SPARC: variants seen among roughly 807,000 people sequenced by gnomAD.
The protein encoded by SPARC is secreted protein acidic and cysteine rich.
Under a neutral mutation model 37.7 loss-of-function variants are expected in SPARC, and 23 were observed. The ratio of observed to expected loss-of-function variants is 0.61; its 90% confidence interval spans 0.44 to 0.87. SPARC has a LOEUF of 0.87. Ranked by LOEUF, SPARC falls within the 40% of genes least tolerant of loss-of-function variation. The pLI, the probability that SPARC is intolerant of heterozygous loss-of-function variation, is 0.00. For missense variants in SPARC, 312 were observed against 389.0 expected, an observed-to-expected ratio of 0.80 and a Z score of 1.66; for synonymous variants, 155 against 150.8, an observed-to-expected ratio of 1.03 and a Z score of -0.20.
At chr5:151,668,811 C>G (rs1011643979) in intron 6 of SPARC, among the ~76,000 whole-genome samples, 3 of 152,170 alleles carry the variant, frequency 2.0e-5, no homozygotes, top group African/African-American at 7.2e-5. Context: ...TCCTTTTCTA[C>G]TCTGTACCTT....
intron 8 of SPARC, among the ~76,000 whole-genome samples, chr5:151,665,265 T>A (rs1393048320): frequency 6.6e-6 from 1 of 152,202 alleles, no homozygotes; most frequent in Non-Finnish European, 1.5e-5. Context: ...AGGCCCTCTG[T>A]TGCAGTGGGA....
At position 151,666,578 on chromosome 5, in the gene SPARC, C is replaced by A. The variant is rs372804607; in HGVS notation, c.586-69G>T. 1.3e-5 allele frequency: 19 copies of A among 1,489,026 alleles called. No homozygotes were observed. In the African/African-American group the frequency reaches 2.2e-4, roughly 17 times the overall value. The allele number at this position is 1,489,026 out of a possible 1,614,324, so 92.2% of individuals were successfully genotyped here. On this transcript the variant is annotated intron_variant, in intron 7 of 9. Coordinates refer to ENST00000231061, the MANE Select transcript of SPARC (RefSeq NM_003118.4). Reference sequence around the variant, plus strand: ...TGTCTGGACCAGTCGGGCCCTCCCACCCCTCCCAGAAGGCCAGAGCAGGCA... The same window carrying A: ...TGTCTGGACCAGTCGGGCCCTCCCAACCCTCCCAGAAGGCCAGAGCAGGCA...
chr5:151,666,381 C>T lies in SPARC; in HGVS notation c.714G>A (p.Leu238=). Residue 238 remains leucine (L), a synonymous_variant, in exon 8 of 10, where the codon CTG becomes CTA. Coordinates refer to ENST00000231061, the MANE Select transcript of SPARC (RefSeq NM_003118.4). ...IFPVHWQFGQ[L]DQHPIDGYLS... Reference sequence around the variant, plus strand: ...CTTACCCGTCAATGGGGTGCTGGTCCAGCTGGCCGAACTGCCAGTGTACAG... The same window carrying T: ...CTTACCCGTCAATGGGGTGCTGGTCTAGCTGGCCGAACTGCCAGTGTACAG... 6.2e-7 allele frequency: 1 copy of T among 1,614,024 alleles called. No individual in the cohort carries two copies. Among genetic ancestry groups the T allele is most frequent in the Non-Finnish European group, 8.5e-7 (1 of 1,179,926 alleles).
intron 8 of SPARC, among the ~76,000 whole-genome samples, 156 bp downstream of exon 8, chr5:151,666,205 A>T (rs1760615202): frequency 6.6e-6 from 1 of 152,174 alleles, no homozygotes; most frequent in Admixed American, 6.5e-5. Flanking sequence ...CCAGGTCCAC[A>T]TCTTTTCTCC....
At chr5:151,685,751 AG>A (rs756413394) in intron 1 of SPARC, 1 of 152,228 alleles carries the variant, frequency 6.6e-6, no homozygotes, top group Non-Finnish European at 1.5e-5. Context: ...GCATTACTAG[AG>A]AAAACATTTT....
chr5:151,674,240 T>C (rs4958280), intron 3 of SPARC, among the ~76,000 whole-genome samples: 26,448 of 152,042 alleles, frequency 0.17, 2,677 homozygotes, highest in East Asian at 0.38. Flanking sequence ...CTTGAACTCC[T>C]GACCTCGTGA....
In SPARC at chr5:151,671,714, G is replaced by A. The variant is rs1357902365; in HGVS notation, c.209-20C>T. 1 of 1,613,294 alleles carries A rather than the reference G, an allele frequency of 6.2e-7. No homozygotes were observed. Among genetic ancestry groups the A allele is most frequent in the African/African-American group, 1.3e-5 (1 of 74,878 alleles). ...AGGGATCTGTAGGGCAGAAAGACAA[G>A]GGAGTTAGCATCACCTGGACTAGCA... On this transcript the variant is annotated intron_variant, in intron 4 of 9. Coordinates refer to ENST00000231061, the MANE Select transcript of SPARC (RefSeq NM_003118.4).
chr5:151,661,761 C>A lies in SPARC; in HGVS notation c.*1810G>T, dbSNP rs1200618320. ...TTCAATAGGGTAACCACTAATCATG[C>A]ATGGCTCTCAAGCACTTGAAATGTT... On this transcript the variant is annotated 3_prime_UTR_variant, in exon 10 of 10. Coordinates refer to ENST00000231061, the MANE Select transcript of SPARC (RefSeq NM_003118.4). The A allele has an allele frequency of 2.0e-5, 3 of 152,322 alleles. No homozygotes were observed. Among genetic ancestry groups the A allele is most frequent in the Admixed American group, 1.3e-4 (2 of 15,302 alleles). The allele number at this position is 152,322 out of a possible 1,614,324, so 9.4% of individuals were successfully genotyped here.
At chr5:151,685,222 C>G (rs58154748) in intron 1 of SPARC, 1 of 152,142 alleles carries the variant, frequency 6.6e-6, no homozygotes, top group African/African-American at 2.4e-5. Context: ...GATGTGGCAG[C>G]TGATAGCTGA....
At chr5:151,672,848 T>C in intron 4 of SPARC, 2 of 430,632 alleles carry the variant, frequency 4.6e-6, no homozygotes, top group South Asian at 2.8e-5. Context: ...AGCTTTGGAC[T>C]CAGGGCAAAG....
rs1760625228 is a variant in SPARC at position 151,666,519 on chromosome 5, T to C, written c.586-10A>G. The stretch of plus-strand genomic sequence containing the variant: ...CATGGATCTTCTTCACCTGAGGGAG[T>C]AGAGACTGTGTGTGACAAGAGGTCC... On this transcript the variant is annotated splice_polypyrimidine_tract_variant and intron_variant, in intron 7 of 9. Transcript: ENST00000231061. The C allele has an allele frequency of 1.2e-6, 2 of 1,612,516 alleles. No homozygotes were observed. The highest frequency in any genetic ancestry group is 1.7e-6 in the Non-Finnish European group (2 of 1,179,266).
intron 1 of SPARC, among the ~76,000 whole-genome samples, chr5:151,681,081 A>G (rs974082435): frequency 4.6e-5 from 7 of 152,190 alleles, no homozygotes; most frequent in Admixed American, 1.3e-4. Flanking sequence ...CACTCTCACT[A>G]TTTGGCTTGG....
intron 5 of SPARC, among the ~76,000 whole-genome samples, chr5:151,670,926 T>G (rs1760734451): frequency 6.6e-6 from 1 of 152,108 alleles, no homozygotes; most frequent in Admixed American, 6.6e-5. Flanking sequence ...GCTGTAGGAA[T>G]AGTGCTGGCC....
intron 9 of SPARC, 37 bp downstream of exon 9, chr5:151,664,050 C>T (rs1320682399): frequency 6.2e-6 from 10 of 1,613,418 alleles, no homozygotes; most frequent in Admixed American, 1.7e-5. Flanking sequence ...AGCAGTGTTT[C>T]TGCCCATGCC....
chr5:151,667,321 G>A, intron 7 of SPARC, 146 bp downstream of exon 7: 1 of 850,740 alleles, frequency 1.2e-6, no homozygotes, highest in South Asian at 1.6e-5. Flanking sequence ...AGCCTCCAAA[G>A]GCAGGAAGAG....
intron 8 of SPARC, among the ~76,000 whole-genome samples, chr5:151,664,784 C>T (rs142473754): frequency 5.3e-5 from 8 of 152,282 alleles, no homozygotes; most frequent in Non-Finnish European, 1.0e-4. Context: ...TGAGGGTCAA[C>T]GGGAGCTCTA....
chr5:151,662,513 A>C lies in SPARC; in HGVS notation c.*1058T>G, dbSNP rs1760528427. ...ATCATGGTGAGAGTTTGTATGATTA[A>C]TAAGAAGCAGCTTTTTCATGAAATG... On this transcript the variant is annotated 3_prime_UTR_variant, in exon 10 of 10. Coordinates refer to ENST00000231061, the MANE Select transcript of SPARC (RefSeq NM_003118.4). 1 of 152,664 alleles carries C rather than the reference A, an allele frequency of 6.6e-6. No individual in the cohort carries two copies. Among genetic ancestry groups the C allele is most frequent in the African/African-American group, 2.4e-5 (1 of 41,452 alleles). 9.5% of individuals were successfully genotyped at this position (152,664 alleles called of 1,614,324 possible). A position where few individuals can be genotyped will look rare whatever the true frequency, so the allele number is the denominator to read the frequency against.
intron 1 of SPARC, among the ~76,000 whole-genome samples, chr5:151,683,859 T>A (rs1452791396): frequency 6.6e-6 from 1 of 152,218 alleles, no homozygotes; most frequent in African/African-American, 2.4e-5. Flanking sequence ...AATGAGGCAC[T>A]TATTTTTAGC....
At chr5:151,686,832 A>G (rs988192544) in intron 1 of SPARC, 33 bp downstream of exon 1, 1 of 152,296 alleles carries the variant, frequency 6.6e-6, no homozygotes, top group Non-Finnish European at 1.5e-5. Flanking sequence ...GTGCAACTAT[A>G]GAAGGGAAAG....
Sources: gnomAD v4.1 joint callset for allele counts (sites outside exome capture counted in the v4.1 genomes callset) on GRCh38, gnomAD v4.1.1 for gene constraint, MANE v1.5 for transcripts, NCBI Gene and HGNC (gene_info 2026-07-23, HGNC 2026-07-21) for gene names.